The following CSMD1 variants were observed in gnomAD, a reference collection of about 807,000 sequenced individuals.
CSMD1 encodes CUB and sushi domain-containing protein 1.
CSMD1 carries 213 observed loss-of-function variants against 417.5 expected under a neutral mutation model. That is an observed-to-expected ratio of 0.51 (90% CI 0.46 to 0.57). The LOEUF is 0.57. Among genes scored for constraint, CSMD1 ranks in the 20% least tolerant of loss-of-function variants. The pLI, the probability that CSMD1 is intolerant of heterozygous loss-of-function variation, is 0.00. For missense variants in CSMD1, 6,923 were observed against 4,529.7 expected, an observed-to-expected ratio of 1.53 and a Z score of -15.17; for synonymous variants, 2,862 against 1,736.8, an observed-to-expected ratio of 1.65 and a Z score of -16.11.
rs1031901643 is a variant in CSMD1 at position 3,799,418 on chromosome 8, C to T, written c.819-45376G>A. ...CCCCTCCCCCCACCCCACGACAGGCCTTAGTGTGTGATGTTCCCCTTCTTG... is the reference window on the plus strand; with the variant it reads ...CCCCTCCCCCCACCCCACGACAGGCTTTAGTGTGTGATGTTCCCCTTCTTG... On this transcript the variant is annotated intron_variant, in intron 5 of 69. Coordinates refer to ENST00000635120, the MANE Select transcript of CSMD1 (RefSeq NM_033225.6). Among the ~76,000 whole-genome samples, 4 of 118,744 alleles carry T rather than the reference C, an allele frequency of 3.4e-5. 1 individual carries two copies. In the South Asian group the frequency reaches 1.0e-3, roughly 30 times the overall value. 77.9% of individuals were successfully genotyped at this position (118,744 alleles called of 152,430 possible). A position where few individuals can be genotyped will look rare whatever the true frequency, so the allele number is the denominator to read the frequency against.
chr8:3,976,865 C>T (rs1354488767), intron 5 of CSMD1, among the ~76,000 whole-genome samples: 1 of 152,170 alleles, frequency 6.6e-6, no homozygotes, highest in Non-Finnish European at 1.5e-5. Context: ...CACTGACCAG[C>T]ACTAGCACTG....
In CSMD1 at chr8:4,888,714, G is replaced by A. The variant is rs376649479; in HGVS notation, c.85+105618C>T. On this transcript the variant is annotated intron_variant, in intron 1 of 69. Transcript: ENST00000635120. ...GGTAATGACTCATTCCATGGCCGGT[G>A]CAGGGAAAGTGCAGGCCAAGCCTGG... Among the ~76,000 whole-genome samples the A allele has an allele frequency of 3.3e-5, 5 of 152,072 alleles. No homozygotes were observed. The South Asian group carries it at 1.0e-3, about 31-fold the overall frequency.
At chr8:3,067,396 G>A (rs1481555367) in intron 49 of CSMD1, among the ~76,000 whole-genome samples, 1 of 151,996 alleles carries the variant, frequency 6.6e-6, no homozygotes, top group African/African-American at 2.4e-5. Context: ...TTCCTTGCAG[G>A]CTCATGCTTC....
intron 5 of CSMD1, among the ~76,000 whole-genome samples, chr8:3,966,732 G>GACACACACAC (rs34929035): frequency 6.0e-5 from 9 of 149,134 alleles, no homozygotes; most frequent in African/African-American, 2.2e-4. Context: ...CACACACACA[G>GACACACACAC]ACACACACAC....
intron 3 of CSMD1, among the ~76,000 whole-genome samples, chr8:4,107,816 C>T (rs1329847818): frequency 6.6e-6 from 1 of 152,198 alleles, no homozygotes; most frequent in Non-Finnish European, 1.5e-5. Flanking sequence ...TCTGAGCCTG[C>T]TTTATAAGAA....
At chr8:3,863,877 G>T (rs1199347297) in intron 5 of CSMD1, among the ~76,000 whole-genome samples, 1 of 152,154 alleles carries the variant, frequency 6.6e-6, no homozygotes, top group South Asian at 2.1e-4. Flanking sequence ...CAGTTTCAAA[G>T]ATTCGTATGA....
intron 1 of CSMD1, among the ~76,000 whole-genome samples, chr8:4,980,086 A>C (rs1810799113): frequency 6.6e-6 from 1 of 152,218 alleles, no homozygotes; most frequent in Admixed American, 6.5e-5. Context: ...TGTTATCACA[A>C]CCATGCATTT....
chr8:3,080,912 A>T (rs765894212), intron 49 of CSMD1, among the ~76,000 whole-genome samples: 1 of 152,186 alleles, frequency 6.6e-6, no homozygotes, highest in African/African-American at 2.4e-5. Flanking sequence ...CTCTAAAAAT[A>T]TGATGCGTCT....
chr8:3,782,413 A>G (rs1401431655), intron 5 of CSMD1, among the ~76,000 whole-genome samples: 1 of 152,218 alleles, frequency 6.6e-6, no homozygotes, highest in Non-Finnish European at 1.5e-5. Flanking sequence ...TAGACTATAA[A>G]TAGGCTGTTC....
chr8:3,457,233 T>G (rs1816209722), intron 12 of CSMD1, among the ~76,000 whole-genome samples: 1 of 151,878 alleles, frequency 6.6e-6, no homozygotes, highest in Non-Finnish European at 1.5e-5. Context: ...TCACTGCACC[T>G]CTCATCCTGG....
At chr8:4,713,214 A>C (rs1026160811) in intron 1 of CSMD1, among the ~76,000 whole-genome samples, 1 of 152,218 alleles carries the variant, frequency 6.6e-6, no homozygotes, top group African/African-American at 2.4e-5. Flanking sequence ...TTTAGACCAA[A>C]TTAGTTTCAG....
At chr8:3,329,627 A>G (rs1806766632) in intron 23 of CSMD1, among the ~76,000 whole-genome samples, 1 of 152,182 alleles carries the variant, frequency 6.6e-6, no homozygotes, top group Admixed American at 6.5e-5. Context: ...GTTGGAGCTC[A>G]GGCTACTACA....
chr8:4,980,952 C>T (rs763136400), intron 1 of CSMD1, among the ~76,000 whole-genome samples: 2 of 151,844 alleles, frequency 1.3e-5, no homozygotes, highest in African/African-American at 2.4e-5. Flanking sequence ...GCAACATGGA[C>T]TAGTATGAGC....
chr8:4,749,261 A>G (rs1419116632), intron 1 of CSMD1, among the ~76,000 whole-genome samples: 1 of 152,242 alleles, frequency 6.6e-6, no homozygotes, highest in East Asian at 1.9e-4. Context: ...GAATATGCTC[A>G]TTTTATAAAT....
In CSMD1 at chr8:4,815,322, A is replaced by T. The variant is rs117539039; in HGVS notation, c.86-177764T>A. Among the ~76,000 whole-genome samples the T allele has an allele frequency of 4.9e-3, 741 of 152,240 alleles. 20 individuals carry two copies. The highest frequency in any genetic ancestry group is 0.035 in the Admixed American group (537 of 15,286). On this transcript the variant is annotated intron_variant, in intron 1 of 69. Coordinates refer to ENST00000635120, the MANE Select transcript of CSMD1 (RefSeq NM_033225.6). ...CCTGCTCAGCCTTCTGAGTTAGGCAAAAGGTATGACATCACAGTCCCACTG... is the reference window on the plus strand; with the variant it reads ...CCTGCTCAGCCTTCTGAGTTAGGCATAAGGTATGACATCACAGTCCCACTG...
At chr8:3,945,642 A>C (rs1231320497) in intron 5 of CSMD1, among the ~76,000 whole-genome samples, 1 of 152,142 alleles carries the variant, frequency 6.6e-6, no homozygotes, top group Non-Finnish European at 1.5e-5. Context: ...AGTATTAACT[A>C]AGCCTGATGT....
intron 3 of CSMD1, among the ~76,000 whole-genome samples, chr8:4,196,713 C>G (rs1290873599): frequency 1.3e-5 from 2 of 152,110 alleles, no homozygotes; most frequent in African/African-American, 2.4e-5. Context: ...TAGAATAGGT[C>G]CACCAGGGTA....
intron 9 of CSMD1, among the ~76,000 whole-genome samples, chr8:3,585,498 A>G (rs757343221): frequency 1.3e-4 from 20 of 152,196 alleles, no homozygotes; most frequent in Non-Finnish European, 2.4e-4. Context: ...AACAACCAAA[A>G]TAATTTTCTG....
chr8:3,637,131 C>T (rs1190688533), intron 7 of CSMD1, among the ~76,000 whole-genome samples: 2 of 152,160 alleles, frequency 1.3e-5, no homozygotes, highest in African/African-American at 2.4e-5. Context: ...ATAAATTATC[C>T]CGTTTGTGCT....
Sources: allele counts gnomAD v4.1 joint callset (sites outside exome capture counted in the v4.1 genomes callset), GRCh38; gene constraint gnomAD v4.1.1; transcripts MANE v1.5; gene names NCBI Gene and HGNC (gene_info 2026-07-23, HGNC 2026-07-21).